STK3: variants seen among roughly 807,000 people sequenced by gnomAD.
The protein encoded by STK3 is serine/threonine kinase 3.
Under a neutral mutation model 58.0 loss-of-function variants are expected in STK3, and 41 were observed. The ratio of observed to expected loss-of-function variants is 0.71; its 90% confidence interval spans 0.55 to 0.92. The LOEUF (loss-of-function observed/expected upper bound fraction) is 0.92, where lower values mean the gene tolerates loss of function less well. Among genes scored for constraint, STK3 ranks in the 40% least tolerant of loss-of-function variants. The pLI is 0.00. For missense variants in STK3, 479 were observed against 602.7 expected (o/e 0.79, Z 2.15); for synonymous variants, 170 against 191.0 (o/e 0.89, Z 0.91).
chr8:98,742,533 G>A (rs1250019981), intron 4 of STK3, among the ~76,000 whole-genome samples: 2 of 122,062 alleles, frequency 1.6e-5, no homozygotes, highest in South Asian at 2.4e-4. Flanking sequence ...ATTCAACAAC[G>A]CTTCATGCTA....
At chr8:98,477,115 T>C (rs528126184) in intron 10 of STK3, among the ~76,000 whole-genome samples, 1 of 152,170 alleles carries the variant, frequency 6.6e-6, no homozygotes, top group Non-Finnish European at 1.5e-5. Context: ...CTAACCCTTA[T>C]CTTCCTCGTT....
At chr8:98,868,319 C>A (rs916067211) in intron 3 of STK3, among the ~76,000 whole-genome samples, 5 of 152,228 alleles carry the variant, frequency 3.3e-5, no homozygotes, top group African/African-American at 9.6e-5. Context: ...CCAAATCCCA[C>A]AGCCGAAGGA....
intron 4 of STK3, among the ~76,000 whole-genome samples, chr8:98,748,058 T>C (rs1004830029): frequency 6.6e-6 from 1 of 152,212 alleles, no homozygotes; most frequent in African/African-American, 2.4e-5. Context: ...AAATACTTCA[T>C]ATCTACTCAA....
intron 7 of STK3, among the ~76,000 whole-genome samples, chr8:98,591,497 T>C (rs1815310993): frequency 6.6e-6 from 1 of 152,234 alleles, no homozygotes; most frequent in African/African-American, 2.4e-5. Flanking sequence ...ACTTAAAAAC[T>C]TGGCAATTTG....
At chr8:98,646,099 A>C (rs1820377947) in intron 6 of STK3, among the ~76,000 whole-genome samples, 1 of 152,268 alleles carries the variant, frequency 6.6e-6, no homozygotes, top group Non-Finnish European at 1.5e-5. Context: ...GAAAATAAAA[A>C]GTCAGCCAGC....
chr8:98,514,202 G>C (rs997856604), intron 10 of STK3, among the ~76,000 whole-genome samples: 1 of 152,032 alleles, frequency 6.6e-6, no homozygotes, highest in African/African-American at 2.4e-5. Flanking sequence ...AAGATGTAGG[G>C]TGGGGAAGGA....
chr8:98,385,261 G>C (rs993100676), intron 1 of STK3, among the ~76,000 whole-genome samples: 5 of 152,152 alleles, frequency 3.3e-5, no homozygotes, highest in Non-Finnish European at 7.4e-5. Flanking sequence ...GTGGGGGTCG[G>C]GGGGAGGTCG....
At chr8:98,503,417 T>C (rs573477489) in intron 10 of STK3, among the ~76,000 whole-genome samples, 1 of 152,208 alleles carries the variant, frequency 6.6e-6, no homozygotes, top group Non-Finnish European at 1.5e-5. Context: ...TCTGCTCTCA[T>C]CTTAGTTATT....
chr8:98,640,573 C>T (rs1819948633), intron 6 of STK3, among the ~76,000 whole-genome samples: 1 of 152,106 alleles, frequency 6.6e-6, no homozygotes, highest in South Asian at 2.1e-4. Context: ...ATCTTCAACA[C>T]TTTCATTGTA....
At chr8:98,457,152 T>C (rs1819554664) in intron 10 of STK3, among the ~76,000 whole-genome samples, 1 of 152,260 alleles carries the variant, frequency 6.6e-6, no homozygotes. Flanking sequence ...TGTAGTCATA[T>C]GTCATGAAAG....
intron 3 of STK3, among the ~76,000 whole-genome samples, chr8:98,844,171 AT>A (rs1836105905): frequency 6.6e-6 from 1 of 152,166 alleles, no homozygotes; most frequent in South Asian, 2.1e-4. Context: ...TTAAAAAGGC[AT>A]TTTGTTTAGC....
chr8:98,920,420 T>C (rs1162325177), intron 1 of STK3, among the ~76,000 whole-genome samples: 1 of 152,178 alleles, frequency 6.6e-6, no homozygotes, highest in Non-Finnish European at 1.5e-5. Flanking sequence ...GCCTTTAGAA[T>C]CAACACAGCT....
At chr8:98,407,753 T>C (rs936908990) in intron 3 of STK3, among the ~76,000 whole-genome samples, 1,152 of 110,954 alleles carry the variant, frequency 0.01, 18 homozygotes, top group African/African-American at 0.03. Context: ...TGTGTGTGTG[T>C]GTGTGCGCGC....
chr8:98,621,112 G>A (rs1209432964), intron 6 of STK3, among the ~76,000 whole-genome samples: 1 of 151,996 alleles, frequency 6.6e-6, no homozygotes, highest in Non-Finnish European at 1.5e-5. Context: ...TGTATTTTTA[G>A]TAGAGACCGT....
intron 1 of STK3, 33 bp from the exon 2 acceptor site, chr8:98,774,852 T>C (rs1300350812): frequency 6.7e-7 from 1 of 1,484,000 alleles, no homozygotes; most frequent in Admixed American, 2.4e-5. Context: ...AAGAAAATAT[T>C]TTCTTTAAAG....
intron 6 of STK3, among the ~76,000 whole-genome samples, chr8:98,666,974 T>C (rs535801429): frequency 5.3e-5 from 8 of 152,108 alleles, no homozygotes; most frequent in Non-Finnish European, 4.4e-5. Context: ...GAGAAAAGGA[T>C]CATATTGTCT....
intron 4 of STK3, among the ~76,000 whole-genome samples, chr8:98,741,266 C>T (rs1829181440): frequency 6.6e-6 from 1 of 152,234 alleles, no homozygotes; most frequent in Admixed American, 6.5e-5. Context: ...CTACAGAACT[C>T]TCCACCCCAA....
At position 98,837,476 on chromosome 8, in the gene STK3, G is replaced by A. The variant is rs1292920698; in HGVS notation, c.110+46171C>T. ...ACGTTTCCTTTATGTACAAACCTAA[G>A]TTCCAGAACAAGCTGAAGATCTCTC... is the stretch of plus-strand genomic sequence containing the variant. On this transcript the variant is annotated intron_variant, in intron 3 of 12. Transcript: ENST00000523601. Among the ~76,000 whole-genome samples the A allele has an allele frequency of 4.6e-5, 7 of 151,992 alleles. No individual in the cohort carries two copies. The East Asian group carries it at 1.4e-3, about 29-fold the overall frequency.
intron 3 of STK3, among the ~76,000 whole-genome samples, chr8:98,410,662 A>T (rs1818043980): frequency 1.3e-5 from 2 of 152,204 alleles, no homozygotes; most frequent in Admixed American, 6.5e-5. Flanking sequence ...TGATTGAATT[A>T]ATAGTATTAA....
Sources: gnomAD v4.1 joint callset for allele counts (sites outside exome capture counted in the v4.1 genomes callset) on GRCh38, gnomAD v4.1.1 for gene constraint, MANE v1.5 for transcripts, NCBI Gene and HGNC (gene_info 2026-07-23, HGNC 2026-07-21) for gene names.